The following CABCOCO1 variants were observed in gnomAD, a reference collection of about 807,000 sequenced individuals.
CABCOCO1 encodes ciliary associated calcium binding coiled-coil 1.
In CABCOCO1, 28 loss-of-function variants were observed where a neutral mutation model predicts 35.7. That is an observed-to-expected ratio of 0.78 (90% CI 0.58 to 1.07). The LOEUF is 1.07. Ranked by LOEUF, CABCOCO1 falls within the 50% of genes least tolerant of loss-of-function variation. The pLI is 0.00. For synonymous variants in CABCOCO1, 95 were observed against 100.1 expected (o/e 0.95, Z 0.30); for missense variants, 326 against 309.2 (o/e 1.05, Z -0.41).
intron 1 of CABCOCO1, among the ~76,000 whole-genome samples, chr10:61,666,984 T>G (rs1839198595): frequency 7.0e-6 from 1 of 142,198 alleles, no homozygotes; most frequent in Admixed American, 7.4e-5. Flanking sequence ...TATATAAATA[T>G]AATTATATAT....
At chr10:61,711,197 A>C (rs560062391) in intron 5 of CABCOCO1, among the ~76,000 whole-genome samples, 1 of 151,970 alleles carries the variant, frequency 6.6e-6, no homozygotes, top group Non-Finnish European at 1.5e-5. Flanking sequence ...TGAAAAGAAA[A>C]AAGGTAAAGA....
At position 61,720,334 on chromosome 10, in the gene CABCOCO1, CA is replaced by C. The variant is rs533400642; in HGVS notation, c.552+29721del. Among the ~76,000 whole-genome samples the C allele has an allele frequency of 3.8e-3, 575 of 151,158 alleles. 6 individuals are homozygous for C. The highest frequency in any genetic ancestry group is 0.014 in the Middle Eastern group (4 of 294). ...TTACAAATTTTAGCAGCTTTACATG[CA>C]AAAAAAACTGTGGAACATTGTCAAC... On this transcript the variant is annotated intron_variant, in intron 5 of 7. Transcript: ENST00000648843.
At chr10:61,687,087 C>G (rs942261284) in intron 4 of CABCOCO1, among the ~76,000 whole-genome samples, 2 of 152,098 alleles carry the variant, frequency 1.3e-5, no homozygotes, top group African/African-American at 4.8e-5. Context: ...TAGCTGAAAT[C>G]TAGAAAGCTT....
At chr10:61,680,959 C>T (rs562151534) in intron 2 of CABCOCO1, among the ~76,000 whole-genome samples, 184 bp from the exon 3 acceptor site, 17 of 151,122 alleles carry the variant, frequency 1.1e-4, no homozygotes, top group African/African-American at 4.1e-4. Context: ...AGTTTGCTCC[C>T]CCATCCTCGT....
At position 61,709,672 on chromosome 10, in the gene CABCOCO1, C is replaced by A. The variant is rs1445393516; in HGVS notation, c.552+19051C>A. On this transcript the variant is annotated intron_variant, in intron 5 of 7. Coordinates refer to ENST00000648843, the MANE Select transcript of CABCOCO1 (RefSeq NM_001366906.2). ...GTCATTTAAATCGCTGTTTGCCTGACTTACTTGTCCCCCTCAAATTTAAAA... is the reference window on the plus strand; with the variant it reads ...GTCATTTAAATCGCTGTTTGCCTGAATTACTTGTCCCCCTCAAATTTAAAA... 2.7e-5 allele frequency among the ~76,000 whole-genome samples: 4 copies of A among 150,094 alleles called. No homozygotes were observed. In the Admixed American group the frequency reaches 2.7e-4, roughly 10 times the overall value.
intron 5 of CABCOCO1, among the ~76,000 whole-genome samples, chr10:61,711,108 C>T (rs143472299): frequency 4.6e-4 from 70 of 151,640 alleles, no homozygotes; most frequent in Middle Eastern, 3.4e-3. Context: ...AGATTTAAAC[C>T]GAACTAAATC....
At chr10:61,725,139 G>C (rs1055612071) in intron 5 of CABCOCO1, among the ~76,000 whole-genome samples, 5 of 152,254 alleles carry the variant, frequency 3.3e-5, no homozygotes, top group Middle Eastern at 3.4e-3. Flanking sequence ...GGAGAAATAG[G>C]AACGCTTTTA....
intron 5 of CABCOCO1, among the ~76,000 whole-genome samples, chr10:61,741,184 T>C (rs1252393238): frequency 6.6e-6 from 1 of 151,594 alleles, no homozygotes; most frequent in Non-Finnish European, 1.5e-5. Flanking sequence ...AATAAATAAA[T>C]AAATTTTAAA....
rs55784501 is a variant in CABCOCO1 at position 61,710,253 on chromosome 10, AGTGTGTGTGTGTGTGTGT to A, written c.552+19657_552+19674del. ...TGCTGAATTAATGTTTGTGTGTGTG[AGTGTGTGTGTGTGTGTGT>A]GTGTGTGTGTGTGTGTGTGTGTGTA... On this transcript the variant is annotated intron_variant, in intron 5 of 7. Transcript: ENST00000648843. Among the ~76,000 whole-genome samples the A allele has an allele frequency of 1.1e-3, 158 of 146,658 alleles. 4 individuals are homozygous for A. In the East Asian group the frequency reaches 0.021, roughly 19 times the overall value.
At chr10:61,686,004 A>G (rs1483574605) in intron 3 of CABCOCO1, 37 bp from the exon 4 acceptor site, 2 of 1,548,150 alleles carry the variant, frequency 1.3e-6, no homozygotes, top group Non-Finnish European at 8.7e-7. Context: ...AACATCTATC[A>G]AAATAATAAT....
At chr10:61,743,030 C>G (rs565288974) in intron 5 of CABCOCO1, among the ~76,000 whole-genome samples, 1 of 152,228 alleles carries the variant, frequency 6.6e-6, no homozygotes, top group East Asian at 1.9e-4. Context: ...GTGTCATGAA[C>G]AAAGCAGCCG....
At chr10:61,736,264 A>G (rs1284774021) in intron 5 of CABCOCO1, among the ~76,000 whole-genome samples, 3 of 152,056 alleles carry the variant, frequency 2.0e-5, no homozygotes, top group Non-Finnish European at 2.9e-5. Flanking sequence ...CAAGATTCCT[A>G]TAGTTTTGGG....
At chr10:61,745,690 C>A (rs1432252094) in intron 5 of CABCOCO1, among the ~76,000 whole-genome samples, 1 of 152,186 alleles carries the variant, frequency 6.6e-6, no homozygotes. Flanking sequence ...GAATCTTACG[C>A]AAAACACAAG....
At chr10:61,665,704 G>A (rs1362166955) in intron 1 of CABCOCO1, among the ~76,000 whole-genome samples, 3 of 151,690 alleles carry the variant, frequency 2.0e-5, no homozygotes, top group African/African-American at 4.8e-5. Context: ...TGGCTAACAC[G>A]GTGAAACCCC....
chr10:61,696,821 C>T (rs993150354), intron 5 of CABCOCO1, among the ~76,000 whole-genome samples: 11 of 151,978 alleles, frequency 7.2e-5, no homozygotes, highest in Admixed American at 5.3e-4. Context: ...ATATTTTATA[C>T]ACAAATAGTT....
At chr10:61,674,071 C>T (rs4948471) in intron 2 of CABCOCO1, among the ~76,000 whole-genome samples, 151,257 of 152,246 alleles carry the variant, frequency 0.99, 75,140 homozygotes, top group Middle Eastern at 1. Flanking sequence ...ATATTAAATG[C>T]CAAGTAAAAG....
chr10:61,691,650 C>T (rs900241107), intron 5 of CABCOCO1, among the ~76,000 whole-genome samples: 1 of 152,044 alleles, frequency 6.6e-6, no homozygotes, highest in Non-Finnish European at 1.5e-5. Context: ...CCTTGCCCCC[C>T]ACTCCCCAAC....
chr10:61,678,287 C>T (rs553267553), intron 2 of CABCOCO1, among the ~76,000 whole-genome samples: 4 of 152,220 alleles, frequency 2.6e-5, no homozygotes, highest in African/African-American at 9.6e-5. Flanking sequence ...ATTATTGTGG[C>T]AGTTTTCTTA....
At chr10:61,670,808 T>C (rs551903227) in intron 1 of CABCOCO1, among the ~76,000 whole-genome samples, 1 of 152,312 alleles carries the variant, frequency 6.6e-6, no homozygotes, top group South Asian at 2.1e-4. Flanking sequence ...ACAGCTCTTC[T>C]CTTCATGCCC....
Sources: gnomAD v4.1 joint callset for allele counts (sites outside exome capture counted in the v4.1 genomes callset) on GRCh38, gnomAD v4.1.1 for gene constraint, MANE v1.5 for transcripts, NCBI Gene and HGNC (gene_info 2026-07-23, HGNC 2026-07-21) for gene names.